SPAG6: variants seen among roughly 807,000 people sequenced by gnomAD.
SPAG6 encodes the protein sperm associated antigen 6, also known as sperm-associated antigen 6.
In SPAG6, 49 loss-of-function variants were observed where a neutral mutation model predicts 58.5. The ratio of observed to expected loss-of-function variants is 0.84; its 90% CI spans 0.67 to 1.06. The LOEUF (loss-of-function observed/expected upper bound fraction) is 1.06, where lower values mean the gene tolerates loss of function less well. Among genes scored for constraint, SPAG6 ranks in the 50% least tolerant of loss-of-function variants. SPAG6 has a pLI of 0.00. For synonymous variants in SPAG6, 233 were observed against 225.6 expected (o/e 1.03, Z -0.29); for missense variants, 560 against 611.3 (o/e 0.92, Z 0.89).
At chr10:22,388,925 G>T (rs1189413088) in intron 6 of SPAG6, among the ~76,000 whole-genome samples, 1 of 152,132 alleles carries the variant, frequency 6.6e-6, no homozygotes. Context: ...GATAAAAGTT[G>T]TGCCATCGAT....
At chr10:22,352,479 T>G (rs1836756471) in intron 2 of SPAG6, among the ~76,000 whole-genome samples, 1 of 152,224 alleles carries the variant, frequency 6.6e-6, no homozygotes, top group Non-Finnish European at 1.5e-5. Context: ...CTTGTTAAAT[T>G]CTTAATATGA....
At chr10:22,366,264 G>A (rs531026820) in intron 3 of SPAG6, among the ~76,000 whole-genome samples, 2 of 152,248 alleles carry the variant, frequency 1.3e-5, no homozygotes, top group African/African-American at 4.8e-5. Flanking sequence ...CTACACCATG[G>A]ATGACCCATA....
intron 2 of SPAG6, among the ~76,000 whole-genome samples, chr10:22,348,512 T>G (rs1836629163): frequency 6.6e-6 from 1 of 152,228 alleles, no homozygotes; most frequent in East Asian, 1.9e-4. Flanking sequence ...TTTTCTCATT[T>G]TTCCCTCCAA....
At chr10:22,351,908 C>T (rs1213578185) in intron 2 of SPAG6, among the ~76,000 whole-genome samples, 2 of 152,120 alleles carry the variant, frequency 1.3e-5, no homozygotes, top group African/African-American at 4.8e-5. Context: ...TGTGGGGTCT[C>T]ACGCTTGTAA....
Position 22,416,601 on chromosome 10 carries a change from G to C in SPAG6, c.1461-18G>C. The C allele has an allele frequency of 1.3e-6, 2 of 1,515,176 alleles. No homozygotes were observed. Among genetic ancestry groups the C allele is most frequent in the Non-Finnish European group, 1.8e-6 (2 of 1,090,776 alleles). 93.9% of individuals were successfully genotyped at this position (1,515,176 alleles called of 1,614,324 possible). On this transcript the variant is annotated intron_variant, in intron 10 of 10. Coordinates refer to ENST00000376624, the MANE Select transcript of SPAG6 (RefSeq NM_012443.4). ...TTGATCGTTTCACCAGCATTTAATAGTGTATTTTCTTTTTCAGGTATTATT... is the reference window on the plus strand; with the variant it reads ...TTGATCGTTTCACCAGCATTTAATACTGTATTTTCTTTTTCAGGTATTATT...
At chr10:22,405,880 C>T (rs1014146617) in intron 9 of SPAG6, among the ~76,000 whole-genome samples, 10 of 152,224 alleles carry the variant, frequency 6.6e-5, no homozygotes, top group East Asian at 1.9e-4. Flanking sequence ...GTGTATGTGT[C>T]GAGGAATTTA....
chr10:22,397,392 A>T (rs1412617250), intron 8 of SPAG6, among the ~76,000 whole-genome samples: 1 of 152,166 alleles, frequency 6.6e-6, no homozygotes, highest in Non-Finnish European at 1.5e-5. Context: ...AGCTTACTGC[A>T]ACCTCCACCT....
chr10:22,389,905 T>C (rs892809935), intron 7 of SPAG6, among the ~76,000 whole-genome samples: 2 of 152,194 alleles, frequency 1.3e-5, no homozygotes, highest in African/African-American at 4.8e-5. Flanking sequence ...AGTGCAGCCC[T>C]GGCACATAGT....
chr10:22,389,577 G>A (rs368522422), intron 7 of SPAG6, among the ~76,000 whole-genome samples: 2 of 152,094 alleles, frequency 1.3e-5, no homozygotes, highest in Non-Finnish European at 2.9e-5. Flanking sequence ...AAGTTTATTT[G>A]TATCTTGAAG....
intron 6 of SPAG6, 99 bp from the exon 7 acceptor site, chr10:22,389,061 C>G (rs1194565167): frequency 1.2e-6 from 1 of 859,542 alleles, no homozygotes; most frequent in Non-Finnish European, 1.7e-6. Flanking sequence ...TCAATTTCAC[C>G]AGTTGTTTTT....
At chr10:22,370,708 A>G (rs534154261) in intron 4 of SPAG6, among the ~76,000 whole-genome samples, 5 of 152,366 alleles carry the variant, frequency 3.3e-5, no homozygotes, top group Admixed American at 6.5e-5. Context: ...ATTACAAATT[A>G]TTAAATTATT....
intron 6 of SPAG6, 97 bp downstream of exon 6, chr10:22,388,093 A>G (rs1834109378): frequency 8.2e-6 from 8 of 974,930 alleles, no homozygotes; most frequent in Non-Finnish European, 1.0e-5. Flanking sequence ...GTTGTGGCAC[A>G]TGATCTAGTT....
intron 8 of SPAG6, among the ~76,000 whole-genome samples, chr10:22,392,994 A>G (rs1375523051): frequency 6.6e-6 from 1 of 152,036 alleles, no homozygotes; most frequent in East Asian, 1.9e-4. Flanking sequence ...AACTTCCCTC[A>G]TATGTCTCTC....
At chr10:22,391,998 A>G in intron 8 of SPAG6, 78 bp downstream of exon 8, 1 of 928,946 alleles carries the variant, frequency 1.1e-6, no homozygotes, top group South Asian at 1.6e-5. Flanking sequence ...TGTTTTCATC[A>G]TGGACAATAT....
At chr10:22,368,401 A>G in intron 3 of SPAG6, 94 bp from the exon 4 acceptor site, 1 of 889,556 alleles carries the variant, frequency 1.1e-6, no homozygotes, top group Non-Finnish European at 1.7e-6. Context: ...CTTTATTTAT[A>G]GTAATGTTAT....
At position 22,386,734 on chromosome 10, in the gene SPAG6, T is replaced by C. The variant is rs780224556; in HGVS notation, c.473-20T>C. On this transcript the variant is annotated intron_variant, in intron 4 of 10. Transcript: ENST00000376624. ...GGTCAGTCACCCATACTCACTTAAT[T>C]ACTTTTCTTGGACCCACAGAACTGT... 1 of 1,606,038 alleles carries C rather than the reference T, an allele frequency of 6.2e-7. No homozygotes were observed. Among genetic ancestry groups the C allele is most frequent in the African/African-American group, 1.3e-5 (1 of 74,870 alleles).
chr10:22,373,223 A>T (rs1833740817), intron 4 of SPAG6, among the ~76,000 whole-genome samples: 1 of 152,190 alleles, frequency 6.6e-6, no homozygotes, highest in South Asian at 2.1e-4. Context: ...TGTGGACGTG[A>T]CGGAAACATT....
intron 9 of SPAG6, among the ~76,000 whole-genome samples, chr10:22,410,034 C>T (rs1834690911): frequency 6.6e-6 from 1 of 152,230 alleles, no homozygotes; most frequent in Non-Finnish European, 1.5e-5. Flanking sequence ...CCCCTCCACA[C>T]ACAGCTGCCT....
At chr10:22,404,025 C>A (rs1834483701) in intron 9 of SPAG6, among the ~76,000 whole-genome samples, 1 of 141,146 alleles carries the variant, frequency 7.1e-6, no homozygotes, top group African/African-American at 2.7e-5. Context: ...ATTGTAGATT[C>A]TGGATATTAG....
Sources: allele counts gnomAD v4.1 joint callset (sites outside exome capture counted in the v4.1 genomes callset), GRCh38; gene constraint gnomAD v4.1.1; transcripts MANE v1.5; gene names NCBI Gene and HGNC (gene_info 2026-07-23, HGNC 2026-07-21).